Variants in ETV5 observed in about 807,000 individuals in gnomAD.
ETV5 encodes the protein ETS variant transcription factor 5.
Under a neutral mutation model 70.0 loss-of-function variants are expected in ETV5, and 10 were observed. That is an observed-to-expected ratio of 0.14 (90% CI 0.09 to 0.24). ETV5 has a LOEUF of 0.24. ETV5 is among the 10% of genes least tolerant of loss of function. The pLI is 1.00. For synonymous variants in ETV5, 216 were observed against 242.2 expected, an observed-to-expected ratio of 0.89 and a Z score of 1.01; for missense variants, 453 against 651.2, an observed-to-expected ratio of 0.70 and a Z score of 3.31.
chr3:186,059,373 G>T (rs373821053), intron 9 of ETV5, among the ~76,000 whole-genome samples: 1 of 152,206 alleles, frequency 6.6e-6, no homozygotes, highest in Non-Finnish European at 1.5e-5. Context: ...ATGTAGACTT[G>T]GTCCTTGTTC....
chr3:186,107,531 GAAAT>G (rs1355244615), intron 1 of ETV5, among the ~76,000 whole-genome samples: 3 of 152,128 alleles, frequency 2.0e-5, no homozygotes, highest in African/African-American at 7.2e-5. Flanking sequence ...AAAATTAAAA[GAAAT>G]AAACTGCCAT....
intron 7 of ETV5, among the ~76,000 whole-genome samples, chr3:186,076,980 G>GC (rs1375025372): frequency 6.6e-6 from 1 of 152,208 alleles, no homozygotes; most frequent in Non-Finnish European, 1.5e-5. Context: ...GATGTTAGCA[G>GC]CCCAAATAAA....
At chr3:186,081,017 CCTT>C in intron 6 of ETV5, 26 bp downstream of exon 6, 2 of 1,586,044 alleles carry the variant, frequency 1.3e-6, no homozygotes, top group Non-Finnish European at 1.7e-6. Context: ...TTCTGGGCAG[CCTT>C]TCTTCGACTC....
At chr3:186,077,469 G>A (rs951890265) in intron 7 of ETV5, among the ~76,000 whole-genome samples, 1 of 152,156 alleles carries the variant, frequency 6.6e-6, no homozygotes, top group Non-Finnish European at 1.5e-5. Context: ...AAAAATCACT[G>A]TCACGTTTTT....
chr3:186,102,272 A>G (rs1394138324), intron 5 of ETV5, among the ~76,000 whole-genome samples: 1 of 152,180 alleles, frequency 6.6e-6, no homozygotes, highest in African/African-American at 2.4e-5. Context: ...AAATTTACAC[A>G]TATACAATGG....
intron 12 of ETV5, among the ~76,000 whole-genome samples, chr3:186,050,666 T>C (rs1336186996): frequency 6.6e-6 from 1 of 152,178 alleles, no homozygotes; most frequent in Non-Finnish European, 1.5e-5. Context: ...TCCTACAGCA[T>C]TTAACTCTGT....
intron 1 of ETV5, chr3:186,108,622 G>T (rs939920894): frequency 9.4e-6 from 11 of 1,175,932 alleles, no homozygotes; most frequent in Non-Finnish European, 4.3e-6. Flanking sequence ...GACTGTGAAA[G>T]CCTCGCAACT....
rs143339376 is a variant in ETV5, at chr3:186,105,237, T to A, written c.232+68A>T. On this transcript the variant is annotated intron_variant, in intron 5 of 12. Transcript: ENST00000306376. The surrounding 1 kb of genome is among the most constrained non-coding windows in gnomAD (Gnocchi z 4.5). ...CTGGCCATAGCTGAAAAAAGCATAT[T>A]CTAGACATGGATGATCTAAGACCAA... is the stretch of plus-strand genomic sequence containing the variant. 1 of 1,379,922 alleles carries A rather than the reference T, an allele frequency of 7.2e-7. No individual in the cohort carries two copies. Among genetic ancestry groups the A allele is most frequent in the Non-Finnish European group, 1.0e-6 (1 of 988,894 alleles). 85.5% of individuals were successfully genotyped at this position (1,379,922 alleles called of 1,614,324 possible). A position where few individuals can be genotyped will look rare whatever the true frequency, so the allele number is the denominator to read the frequency against.
intron 12 of ETV5, among the ~76,000 whole-genome samples, chr3:186,049,290 G>C (rs773642172): frequency 6.6e-6 from 1 of 152,176 alleles, no homozygotes; most frequent in Non-Finnish European, 1.5e-5. Context: ...TTAGAAATCT[G>C]ATGAGAGCGA....
chr3:186,090,484 A>C (rs992678853), intron 5 of ETV5, among the ~76,000 whole-genome samples: 10 of 152,264 alleles, frequency 6.6e-5, no homozygotes, highest in Non-Finnish European at 1.0e-4. Context: ...AACACCTATC[A>C]GTAACTATAT....
At position 186,081,089 on chromosome 3, in the gene ETV5, C is replaced by A. The variant is rs745776119; in HGVS notation, c.319G>T (p.Ala107Ser). The part of the protein sequence containing the change: ...SELSSCSHEQ[A>S]LGANYGEKCL... ...TTTTCTCCATAGTTAGCACCAAGAG[C>A]CTGCTCATGGCTACAAGACGACAGC... The change falls in exon 6 of 13, where the codon GCT (alanine) becomes TCT (serine). Residue 107 changes from alanine (A) to serine (S), a missense_variant. Transcript: ENST00000306376. 1.8e-5 allele frequency: 29 copies of A among 1,613,578 alleles called. No individual in the cohort carries two copies. Among genetic ancestry groups the A allele is most frequent in the African/African-American group, 1.2e-4 (9 of 74,896 alleles).
At chr3:186,064,317 A>G (rs1352531626) in intron 9 of ETV5, 100 bp downstream of exon 9, 1 of 1,150,676 alleles carries the variant, frequency 8.7e-7, no homozygotes, top group Non-Finnish European at 1.3e-6. Context: ...CAAGCAAAGA[A>G]AGAGGAAGGA....
At chr3:186,103,620 AACACACACACACACACACAC>A (rs10534124) in intron 5 of ETV5, among the ~76,000 whole-genome samples, 111 of 142,972 alleles carry the variant, frequency 7.8e-4, no homozygotes, top group African/African-American at 2.6e-3. Flanking sequence ...TCATCTTGCA[AACACACACACACACACACAC>A]ACACACACAC....
chr3:186,048,919 A>C, intron 12 of ETV5, 59 bp from the exon 13 acceptor site: 1 of 1,424,498 alleles, frequency 7.0e-7, no homozygotes, highest in Non-Finnish European at 9.8e-7. Context: ...GATCAGGGGA[A>C]GAGAACGAGG....
At position 186,052,008 on chromosome 3, in the gene ETV5, A is replaced by C; in HGVS notation, c.1311+22T>G. On this transcript the variant is annotated intron_variant, in intron 12 of 12. Coordinates refer to ENST00000306376, the MANE Select transcript of ETV5 (RefSeq NM_004454.3). The surrounding 1 kb of genome is among the most constrained non-coding windows in gnomAD (Gnocchi z 4.5). Reference sequence around the variant, plus strand: ...CCTTAAAAGAGACCAGAGTGGGCTAAGGGTCTTGTATAATGGCTCACCTTC... The same window carrying C: ...CCTTAAAAGAGACCAGAGTGGGCTACGGGTCTTGTATAATGGCTCACCTTC... 1.2e-6 allele frequency: 2 copies of C among 1,609,800 alleles called. No homozygotes were observed. Among genetic ancestry groups the C allele is most frequent in the Non-Finnish European group, 1.7e-6 (2 of 1,176,436 alleles).
intron 5 of ETV5, among the ~76,000 whole-genome samples, chr3:186,099,252 T>C (rs759424458): frequency 6.6e-6 from 1 of 151,940 alleles, no homozygotes; most frequent in Non-Finnish European, 1.5e-5. Flanking sequence ...ATCTTGCCAC[T>C]CCTTTAAGCC....
At chr3:186,064,624 C>T in intron 8 of ETV5, 148 bp from the exon 9 acceptor site, 1 of 745,250 alleles carries the variant, frequency 1.3e-6, no homozygotes, top group South Asian at 1.6e-5. Context: ...AAAGAGGTGC[C>T]ACACCAATAA....
chr3:186,047,528 G>C lies in ETV5; in HGVS notation c.*1111C>G, dbSNP rs2150139690. ...TATATACATATGCTTTCCAGAGAGG[G>C]CATGTTAGTGAACACGGGGAACTAT... On this transcript the variant is annotated 3_prime_UTR_variant, in exon 13 of 13. Transcript: ENST00000306376. 4.3e-6 allele frequency: 1 copy of C among 232,320 alleles called. No homozygotes were observed. Among genetic ancestry groups the C allele is most frequent in the Non-Finnish European group, 8.5e-6 (1 of 117,416 alleles). The allele number at this position is 232,320 out of a possible 1,614,324, so 14.4% of individuals were successfully genotyped here.
intron 9 of ETV5, 86 bp downstream of exon 9, chr3:186,064,330 GA>G (rs1713382257): frequency 8.0e-7 from 1 of 1,255,098 alleles, no homozygotes. Context: ...AGGAAGGAAG[GA>G]AGGTAGGAGA....
Sources: allele counts gnomAD v4.1 joint callset (sites outside exome capture counted in the v4.1 genomes callset), GRCh38; gene constraint gnomAD v4.1.1; non-coding constraint Gnocchi (gnomAD v3.1); transcripts MANE v1.5; gene names NCBI Gene and HGNC (gene_info 2026-07-23, HGNC 2026-07-21).